The following PCDH15 variants were observed in gnomAD, a reference collection of about 807,000 sequenced individuals.
PCDH15 encodes the protein protocadherin-15.
PCDH15 carries 129 observed loss-of-function variants against 178.5 expected under a neutral mutation model. That is an observed-to-expected ratio of 0.72 (90% CI 0.63 to 0.84). PCDH15 has a LOEUF of 0.84. PCDH15 is among the 40% of genes least tolerant of loss of function. PCDH15 has a pLI of 0.00. For synonymous variants in PCDH15, 800 were observed against 732.0 expected (o/e 1.09, Z -1.50); for missense variants, 2,230 against 2,099.9 (o/e 1.06, Z -1.21).
At chr10:55,216,715 AATT>A in intron 1 of PCDH15, among the ~76,000 whole-genome samples, 1 of 152,034 alleles carries the variant, frequency 6.6e-6, no homozygotes, top group Admixed American at 6.6e-5. Flanking sequence ...AAATCTGTAC[AATT>A]ATTATGTGTC....
intron 2 of PCDH15, among the ~76,000 whole-genome samples, chr10:55,359,719 T>A (rs1588951878): frequency 9.5e-6 from 1 of 105,324 alleles, no homozygotes; most frequent in East Asian, 2.4e-4. Flanking sequence ...GAAAATGTGG[T>A]GTATATATAT....
At chr10:54,065,298 C>G (rs138428128) in intron 18 of PCDH15, among the ~76,000 whole-genome samples, 1,999 of 152,238 alleles carry the variant, frequency 0.013, 44 homozygotes, top group African/African-American at 0.046. Context: ...TAGAGTTTGC[C>G]CTTGGAGTGA....
intron 2 of PCDH15, among the ~76,000 whole-genome samples, chr10:54,567,552 T>C (rs1177929236): frequency 2.6e-5 from 4 of 152,150 alleles, no homozygotes; most frequent in African/African-American, 9.7e-5. Context: ...TATTGTGTTA[T>C]AAAATCAAAT....
chr10:54,328,493 T>C (rs925580418), intron 7 of PCDH15, among the ~76,000 whole-genome samples: 6 of 152,036 alleles, frequency 3.9e-5, no homozygotes, highest in Non-Finnish European at 8.8e-5. Flanking sequence ...ATACATAGTA[T>C]AATTCAGAAG....
At chr10:54,604,663 A>C (rs1198947843) in intron 2 of PCDH15, among the ~76,000 whole-genome samples, 2 of 151,862 alleles carry the variant, frequency 1.3e-5, no homozygotes, top group African/African-American at 4.8e-5. Flanking sequence ...GTGTGTCCTT[A>C]AATAGTTGGT....
intron 16 of PCDH15, among the ~76,000 whole-genome samples, chr10:54,084,492 A>T (rs1374884223): frequency 6.6e-6 from 1 of 151,744 alleles, no homozygotes; most frequent in Admixed American, 6.6e-5. Context: ...AAAAAATAAA[A>T]AAATAAAAAT....
intron 14 of PCDH15, among the ~76,000 whole-genome samples, chr10:54,135,757 A>G (rs1460798366): frequency 6.6e-6 from 1 of 152,228 alleles, no homozygotes; most frequent in East Asian, 1.9e-4. Context: ...TGTTGAACAC[A>G]GAATTTGTAA....
intron 21 of PCDH15, among the ~76,000 whole-genome samples, chr10:53,981,615 T>A (rs796709749): frequency 9.9e-5 from 15 of 150,964 alleles, no homozygotes; most frequent in African/African-American, 3.7e-4. Context: ...TGGCTAGCCA[T>A]ATGTAGAAAG....
intron 3 of PCDH15, among the ~76,000 whole-genome samples, chr10:54,439,289 A>G (rs1257407386): frequency 6.6e-6 from 1 of 152,056 alleles, no homozygotes; most frequent in East Asian, 1.9e-4. Flanking sequence ...ATATGCATAA[A>G]TCTGGGGACA....
intron 2 of PCDH15, among the ~76,000 whole-genome samples, chr10:55,427,407 A>G (rs952103705): frequency 6.6e-6 from 1 of 152,184 alleles, no homozygotes; most frequent in Non-Finnish European, 1.5e-5. Flanking sequence ...CTATTACATT[A>G]AGATATAGTA....
At chr10:53,999,901 T>G (rs1360072882) in intron 20 of PCDH15, among the ~76,000 whole-genome samples, 1 of 152,126 alleles carries the variant, frequency 6.6e-6, no homozygotes, top group Non-Finnish European at 1.5e-5. Flanking sequence ...CAAGACCCAG[T>G]GCTGTGCTGG....
At chr10:55,329,796 T>A (rs1334383110) in intron 2 of PCDH15, among the ~76,000 whole-genome samples, 2 of 151,768 alleles carry the variant, frequency 1.3e-5, no homozygotes, top group Non-Finnish European at 3.0e-5. Flanking sequence ...ATACAGAGTT[T>A]TAGCTGAAAT....
At chr10:54,705,322 A>AT (rs1249149270) in intron 1 of PCDH15, among the ~76,000 whole-genome samples, 10 of 152,248 alleles carry the variant, frequency 6.6e-5, no homozygotes, top group African/African-American at 2.4e-4. Flanking sequence ...TAATTAAAAA[A>AT]AATACATGCT....
At chr10:54,147,588 T>C (rs1202406063) in intron 14 of PCDH15, among the ~76,000 whole-genome samples, 1 of 151,896 alleles carries the variant, frequency 6.6e-6, no homozygotes, top group East Asian at 1.9e-4. Flanking sequence ...ATTGGCCACA[T>C]ATAGATCAGA....
chr10:53,821,765 A>ATAAT, intron 32 of PCDH15: 1 of 1,577,250 alleles, frequency 6.3e-7, no homozygotes, highest in South Asian at 1.2e-5. Context: ...TTGGGGTAAA[A>ATAAT]TAATAGAGTC....
Position 54,225,917 on chromosome 10 carries a change from T to C in PCDH15, c.985+10906A>G, listed in dbSNP as rs80195106. ...GACAAGCAAGGAATCTTGAGGGAGA[T>C]GTGACAAGTGTACAGTGTGAAGGGA... On this transcript the variant is annotated intron_variant, in intron 9 of 37. Transcript: ENST00000644397. 4.3e-3 allele frequency among the ~76,000 whole-genome samples: 662 copies of C among 152,330 alleles called. 3 individuals are homozygous for C. The highest frequency in any genetic ancestry group is 8.2e-3 in the Admixed American group (126 of 15,304).
intron 5 of PCDH15, among the ~76,000 whole-genome samples, chr10:54,357,094 T>C (rs892838663): frequency 4.6e-5 from 7 of 151,968 alleles, no homozygotes; most frequent in East Asian, 1.9e-4. Context: ...CCTTTGAAAA[T>C]GGGCACAAGA....
At chr10:55,043,483 A>T (rs897221719) in intron 2 of PCDH15, among the ~76,000 whole-genome samples, 3 of 151,962 alleles carry the variant, frequency 2.0e-5, no homozygotes, top group South Asian at 2.1e-4. Context: ...CCCAGGCAGG[A>T]GGATTACTTG....
intron 23 of PCDH15, among the ~76,000 whole-genome samples, chr10:53,943,903 A>G (rs192222100): frequency 1.3e-5 from 2 of 152,254 alleles, no homozygotes; most frequent in Admixed American, 1.3e-4. Context: ...AATGTACAAT[A>G]TTAATAAAAA....
Sources: gnomAD v4.1 joint callset for allele counts (sites outside exome capture counted in the v4.1 genomes callset) on GRCh38, gnomAD v4.1.1 for gene constraint, MANE v1.5 for transcripts, NCBI Gene and HGNC (gene_info 2026-07-23, HGNC 2026-07-21) for gene names.